The following ZDHHC22 variants were observed in gnomAD, a reference collection of about 807,000 sequenced individuals.
ZDHHC22 encodes the protein palmitoyltransferase ZDHHC22.
ZDHHC22 carries 13 observed loss-of-function variants against 17.0 expected under a neutral mutation model. The observed-to-expected ratio is 0.76, with a 90% CI of 0.50 to 1.21. ZDHHC22 has a LOEUF of 1.21. ZDHHC22 is among the 50% of genes most tolerant of loss of function. The pLI is 0.00. For missense variants in ZDHHC22, 319 were observed against 342.3 expected, an observed-to-expected ratio of 0.93 and a Z score of 0.54; for synonymous variants, 138 against 154.7, an observed-to-expected ratio of 0.89 and a Z score of 0.80.
At chr14:77,136,909 A>T (rs1399806083) in intron 2 of ZDHHC22, among the ~76,000 whole-genome samples, 1 of 152,170 alleles carries the variant, frequency 6.6e-6, no homozygotes, top group African/African-American at 2.4e-5. Flanking sequence ...TAGCTGGGAA[A>T]ACAGGCACAT....
At position 77,139,771 on chromosome 14, in the gene ZDHHC22, G is replaced by C; in HGVS notation, c.-14-19C>G. 1 of 1,459,632 alleles carries C rather than the reference G, an allele frequency of 6.9e-7. No individual in the cohort carries two copies. Among genetic ancestry groups the C allele is most frequent in the Non-Finnish European group, 9.0e-7 (1 of 1,105,100 alleles). 90.4% of individuals were successfully genotyped at this position (1,459,632 alleles called of 1,614,324 possible). On this transcript the variant is annotated intron_variant, in intron 1 of 2. Transcript: ENST00000319374. ...TACATTCCTGCGGGGCCCGGGGTGA[G>C]AAGAGGACTGACTGACTACGGCGTC... is the stretch of plus-strand genomic sequence containing the variant.
chr14:77,140,832 G>C lies in ZDHHC22; in HGVS notation c.-15+771C>G, dbSNP rs531310013. 1.3e-5 allele frequency: 2 copies of C among 152,278 alleles called. No homozygotes were observed. Among genetic ancestry groups the C allele is most frequent in the Non-Finnish European group, 2.9e-5 (2 of 68,042 alleles). 9.4% of individuals were successfully genotyped at this position (152,278 alleles called of 1,614,324 possible). A position where few individuals can be genotyped will look rare whatever the true frequency, so the allele number is the denominator to read the frequency against. On this transcript the variant is annotated intron_variant, in intron 1 of 2. Coordinates refer to ENST00000319374, the MANE Select transcript of ZDHHC22 (RefSeq NM_174976.2). This position sits in a 1 kb window ranked among gnomAD's most constrained non-coding sequence, Gnocchi z 5.9. ...CCATCCCACCCCACGCCTCACAGCC[G>C]GGGTTCCTGGCCAGCTTCGGAAGCC...
At chr14:77,137,648 A>G (rs937070835) in intron 2 of ZDHHC22, among the ~76,000 whole-genome samples, 1 of 150,660 alleles carries the variant, frequency 6.6e-6, no homozygotes, top group African/African-American at 2.4e-5. Context: ...CAGCTCAGCC[A>G]CCAGCCCTGA....
At chr14:77,139,858 G>T (rs1360108476) in intron 1 of ZDHHC22, 106 bp from the exon 2 acceptor site, 2 of 1,184,888 alleles carry the variant, frequency 1.7e-6, no homozygotes, top group Non-Finnish European at 2.3e-6. Context: ...GCGACTCCAC[G>T]CCCCCAACCC....
In ZDHHC22 at chr14:77,132,264, G is replaced by C. The variant is rs954475284; in HGVS notation, c.*1419C>G. 1 of 152,448 alleles carries C rather than the reference G, an allele frequency of 6.6e-6. No homozygotes were observed. Among genetic ancestry groups the C allele is most frequent in the African/African-American group, 2.4e-5 (1 of 41,436 alleles). 9.4% of individuals were successfully genotyped at this position (152,448 alleles called of 1,614,324 possible). ...ATATTCTGGTCATCTCCACTCCTCA[G>C]CCTTAGCTCACCACTGCCCCCCATG... On this transcript the variant is annotated 3_prime_UTR_variant, in exon 3 of 3. Transcript: ENST00000319374.
Position 77,132,816 on chromosome 14 carries a change from T to TCTCTCTCACACACACACACACACACACA in ZDHHC22, c.*866_*867insTGTGTGTGTGTGTGTGTGTGTGAGAGAG. 1 of 104,616 alleles carries TCTCTCTCACACACACACACACACACACA rather than the reference T, an allele frequency of 9.6e-6. No individual in the cohort carries two copies. Among genetic ancestry groups the TCTCTCTCACACACACACACACACACACA allele is most frequent in the South Asian group, 3.9e-4 (1 of 2,568 alleles). The allele number at this position is 104,616 out of a possible 1,614,324, so 6.5% of individuals were successfully genotyped here. ...CCACCCATCTCTCTCTCTCTCTCTC[T>TCTCTCTCACACACACACACACACACACA]CACACACACACACACACACACACAC... On this transcript the variant is annotated 3_prime_UTR_variant, in exon 3 of 3. Coordinates refer to ENST00000319374, the MANE Select transcript of ZDHHC22 (RefSeq NM_174976.2).
At position 77,139,426 on chromosome 14, in the gene ZDHHC22, G is replaced by C. The variant is rs774795483; in HGVS notation, c.313C>G (p.Leu105Val). ...AAGAAACAGTGATGGTCGTGCCTCA[G>C]GGTGACTCTGGCGCACACTCGGCAG... ...HFCRVCARVT[L>V]RHDHHCFFTG... Residue 105 changes from leucine to valine, a missense_variant, in exon 2 of 3, where the codon CTG (leucine) becomes GTG (valine). Leu to Val is a conservative substitution (Grantham distance 32, BLOSUM62 1). Coordinates refer to ENST00000319374, the MANE Select transcript of ZDHHC22 (RefSeq NM_174976.2). 2 of 1,612,232 alleles carry C rather than the reference G, an allele frequency of 1.2e-6. No homozygotes were observed. The highest frequency in any genetic ancestry group is 2.2e-5 in the East Asian group (1 of 44,842).
chr14:77,139,714 C>A lies in ZDHHC22; in HGVS notation c.25G>T (p.Val9Leu). 2 of 1,516,388 alleles carry A rather than the reference C, an allele frequency of 1.3e-6. No homozygotes were observed. Among genetic ancestry groups the A allele is most frequent in the Non-Finnish European group, 1.8e-6 (2 of 1,132,398 alleles). 93.9% of individuals were successfully genotyped at this position (1,516,388 alleles called of 1,614,324 possible). The change falls in exon 2 of 3, where the codon GTG (valine) becomes TTG (leucine). Residue 9 changes from valine to leucine, a missense_variant. Physicochemically the swap from Val to Leu is conservative, Grantham distance 32. Coordinates refer to ENST00000319374, the MANE Select transcript of ZDHHC22 (RefSeq NM_174976.2). ...CACAAGAAGTAGGCGGGGGCCACCA[C>A]GTTGAGCAGCCGCAGGGCCAGCATC... MLALRLLNVVAPAYFLCIS... is the reference protein window; with the variant it reads MLALRLLNLVAPAYFLCIS...
intron 2 of ZDHHC22, among the ~76,000 whole-genome samples, chr14:77,135,938 C>G (rs1887127950): frequency 6.6e-6 from 1 of 152,224 alleles, no homozygotes; most frequent in South Asian, 2.1e-4. Context: ...CCTAGCCTGG[C>G]TGCTTCAGCT....
intron 2 of ZDHHC22, 79 bp from the exon 3 acceptor site, chr14:77,134,027 T>C: frequency 6.9e-7 from 1 of 1,453,270 alleles, no homozygotes; most frequent in Non-Finnish European, 9.1e-7. Context: ...AGGCAGGCTT[T>C]CCACCGGGAG....
In ZDHHC22 at chr14:77,131,468, G is replaced by A. The variant is rs1301170734; in HGVS notation, c.*2215C>T. 1.3e-5 allele frequency: 2 copies of A among 152,210 alleles called. No individual in the cohort carries two copies. Among genetic ancestry groups the A allele is most frequent in the African/African-American group, 4.8e-5 (2 of 41,440 alleles). The allele number at this position is 152,210 out of a possible 1,614,324, so 9.4% of individuals were successfully genotyped here. A position where few individuals can be genotyped will look rare whatever the true frequency, so the allele number is the denominator to read the frequency against. ...AGGCCTCACCGTGCTGAGCCTTCAG[G>A]AGGCTGGAAATAGCAGGGCTGGCTT... On this transcript the variant is annotated 3_prime_UTR_variant, in exon 3 of 3. Transcript: ENST00000319374.
At position 77,133,544 on chromosome 14, in the gene ZDHHC22, G is replaced by C; in HGVS notation, c.*139C>G. 1 of 1,177,178 alleles carries C rather than the reference G, an allele frequency of 8.5e-7. No homozygotes were observed. The highest frequency in any genetic ancestry group is 1.2e-6 in the Non-Finnish European group (1 of 859,096). The allele number at this position is 1,177,178 out of a possible 1,614,324, so 72.9% of individuals were successfully genotyped here. ...ATCCACCAGCTCACGCTGTTCTCATGGGTGGAAGGTGAGGGGAAGATGCTA... is the reference window on the plus strand; with the variant it reads ...ATCCACCAGCTCACGCTGTTCTCATCGGTGGAAGGTGAGGGGAAGATGCTA... On this transcript the variant is annotated 3_prime_UTR_variant, in exon 3 of 3. Coordinates refer to ENST00000319374, the MANE Select transcript of ZDHHC22 (RefSeq NM_174976.2).
Position 77,135,136 on chromosome 14 carries a change from A to G in ZDHHC22, c.527-1188T>C, listed in dbSNP as rs187958108. On this transcript the variant is annotated intron_variant, in intron 2 of 2. Coordinates refer to ENST00000319374, the MANE Select transcript of ZDHHC22 (RefSeq NM_174976.2). The stretch of plus-strand genomic sequence containing the variant: ...GGCACTGGACCCTGGAGTTAATTCG[A>G]AAGTATTCCTTAGCCTTTGGTTCCC... 8.0e-5 allele frequency among the ~76,000 whole-genome samples: 12 copies of G among 150,230 alleles called. No individual in the cohort carries two copies. The East Asian group carries it at 1.6e-3, about 20-fold the overall frequency.
chr14:77,141,828 C>A (rs1053982905), upstream of ZDHHC22: 4 of 152,300 alleles, frequency 2.6e-5, no homozygotes, highest in Non-Finnish European at 4.4e-5. Flanking sequence ...GGGCACCCCC[C>A]AGCCCCGCCA....
chr14:77,139,095 GGTCT>G, intron 2 of ZDHHC22, 114 bp downstream of exon 2: 1 of 1,100,652 alleles, frequency 9.1e-7, no homozygotes, highest in Non-Finnish European at 1.3e-6. Context: ...TTAGCGGGAC[GGTCT>G]GTATTTTTAT....
intron 2 of ZDHHC22, among the ~76,000 whole-genome samples, chr14:77,136,742 C>T (rs543169901): frequency 7.1e-4 from 108 of 152,268 alleles, no homozygotes; most frequent in African/African-American, 2.6e-3. Flanking sequence ...CAGATCTGTA[C>T]CACAGTTGGG....
intron 1 of ZDHHC22, chr14:77,141,397 G>A (rs1211582166): frequency 6.6e-6 from 1 of 152,654 alleles, no homozygotes; most frequent in East Asian, 1.9e-4. Context: ...CGCCCGTGGG[G>A]CCCCGGGGTG....
At chr14:77,138,973 C>G (rs568125379) in intron 2 of ZDHHC22, among the ~76,000 whole-genome samples, 1 of 152,144 alleles carries the variant, frequency 6.6e-6, no homozygotes, top group African/African-American at 2.4e-5. Context: ...ACAGCATGTC[C>G]GCTTAATTTG....
chr14:77,133,695 C>A lies in ZDHHC22; in HGVS notation c.780G>T (p.Gln260His). Residue 260 changes from glutamine to histidine, a missense_variant, in exon 3 of 3, where the codon CAG becomes CAT. Physicochemically the swap from Gln to His is conservative, Grantham distance 24. Coordinates refer to ENST00000319374, the MANE Select transcript of ZDHHC22 (RefSeq NM_174976.2). ...ACGGGAGTGTCTACTACTTATCCTG[C>A]TGCTTGGAGCTCTCACTTCCGACAT... The part of the protein sequence containing the change: ...MFNVGSESSK[Q>H]QDK 1 of 1,613,386 alleles carries A rather than the reference C, an allele frequency of 6.2e-7. No individual in the cohort carries two copies. Among genetic ancestry groups the A allele is most frequent in the Non-Finnish European group, 8.5e-7 (1 of 1,179,588 alleles).
Sources: allele counts gnomAD v4.1 joint callset (sites outside exome capture counted in the v4.1 genomes callset), GRCh38; gene constraint gnomAD v4.1.1; non-coding constraint Gnocchi (gnomAD v3.1); transcripts MANE v1.5; gene names NCBI Gene and HGNC (gene_info 2026-07-23, HGNC 2026-07-21).